EEF2K: variants seen among roughly 807,000 people sequenced by gnomAD.
The protein encoded by EEF2K is alternative protein EEF2K.
A neutral mutation model predicts 93.8 loss-of-function variants in EEF2K; 70 were observed. The observed-to-expected ratio is 0.75, with a 90% CI of 0.62 to 0.91. EEF2K has a LOEUF of 0.91. EEF2K is among the 40% of genes least tolerant of loss of function. The pLI, the probability that EEF2K is intolerant of heterozygous loss-of-function variation, is 0.00. For synonymous variants in EEF2K, 376 were observed against 380.8 expected (o/e 0.99, Z 0.15); for missense variants, 935 against 972.9 (o/e 0.96, Z 0.52).
intron 10 of EEF2K, among the ~76,000 whole-genome samples, chr16:22,260,194 G>A (rs925502590): frequency 8.5e-5 from 13 of 152,330 alleles, no homozygotes; most frequent in Non-Finnish European, 1.5e-4. Context: ...AAGGATAATT[G>A]CATTGTGACA....
chr16:22,240,096 CA>C (rs988813359), intron 2 of EEF2K, among the ~76,000 whole-genome samples: 2 of 128,996 alleles, frequency 1.6e-5, no homozygotes, highest in Non-Finnish European at 3.2e-5. Flanking sequence ...AGCCAGACTC[CA>C]TCTCAAAAAA....
intron 2 of EEF2K, among the ~76,000 whole-genome samples, chr16:22,227,720 G>A (rs1016007792): frequency 2.6e-5 from 4 of 151,972 alleles, no homozygotes; most frequent in Admixed American, 6.6e-5. Flanking sequence ...ACATTCAAGC[G>A]GAGAAACAAA....
At chr16:22,232,672 C>G (rs1036319098) in intron 2 of EEF2K, among the ~76,000 whole-genome samples, 12 of 152,164 alleles carry the variant, frequency 7.9e-5, no homozygotes, top group Non-Finnish European at 1.5e-5. Flanking sequence ...AGGGTTGTGT[C>G]TGATGCGACC....
rs374251010 is a variant in EEF2K, at chr16:22,266,373, C to T, written c.1441-17C>T. 9.3e-6 allele frequency: 15 copies of T among 1,607,094 alleles called. No individual in the cohort carries two copies. Among genetic ancestry groups the T allele is most frequent in the African/African-American group, 6.8e-5 (5 of 73,120 alleles). The stretch of plus-strand genomic sequence containing the variant: ...ACCCCCAGCCCCTCGCTTCCCTGGC[C>T]GGTTCTTTCCCTTCAGGTATGTGTA... On this transcript the variant is annotated splice_polypyrimidine_tract_variant and intron_variant, in intron 13 of 17. Transcript: ENST00000263026.
chr16:22,248,129 A>G (rs925402246), intron 3 of EEF2K, among the ~76,000 whole-genome samples: 1 of 151,910 alleles, frequency 6.6e-6, no homozygotes, highest in African/African-American at 2.4e-5. Flanking sequence ...CAATGGTGCA[A>G]TCTCGGCTCA....
intron 2 of EEF2K, among the ~76,000 whole-genome samples, chr16:22,230,068 T>C (rs2047100475): frequency 6.6e-6 from 1 of 152,152 alleles, no homozygotes; most frequent in African/African-American, 2.4e-5. Context: ...TTTCCACTGA[T>C]CCTGTTTCCT....
Position 22,264,833 on chromosome 16 carries a change from A to T in EEF2K, c.1393A>T (p.Asn465Tyr). The T allele has an allele frequency of 1.9e-6, 3 of 1,613,950 alleles. No homozygotes were observed. The highest frequency in any genetic ancestry group is 2.5e-6 in the Non-Finnish European group (3 of 1,179,908). Residue 465 changes from asparagine (N) to tyrosine (Y), a missense_variant, in exon 13 of 18, where the codon AAT (asparagine) becomes TAT (tyrosine). Coordinates refer to ENST00000263026, the MANE Select transcript of EEF2K (RefSeq NM_013302.5). ...EPREHGHSYS[N>Y]RKYESDEDSL... ...CTCCGTTCAGGGCCACTCATACAGT[A>T]ATCGGAAGTACGAGTCTGACGAAGA... is the stretch of plus-strand genomic sequence containing the variant.
chr16:22,210,836 G>A (rs541208578), intron 1 of EEF2K, among the ~76,000 whole-genome samples: 2 of 152,222 alleles, frequency 1.3e-5, no homozygotes, highest in East Asian at 1.9e-4. Flanking sequence ...TTCAGAGCCC[G>A]AGGAGGAAGG....
Position 22,258,578 on chromosome 16 carries a change from C to T in EEF2K, c.1114C>T (p.Leu372=), listed in dbSNP as rs2047430943. Reference sequence around the variant, plus strand: ...GACCCTCTCTGGGAGCCGGCCACCCCTGCTCCGTCCCCTTTCAGAGAACTC... The same window carrying T: ...GACCCTCTCTGGGAGCCGGCCACCCTTGCTCCGTCCCCTTTCAGAGAACTC... ...VRTLSGSRPP[L]LRPLSENSGD... The change falls in exon 10 of 18, where the codon CTG becomes TTG. Residue 372 remains leucine, a synonymous_variant. Transcript: ENST00000263026. 1 of 1,614,146 alleles carries T rather than the reference C, an allele frequency of 6.2e-7. No homozygotes were observed. The highest frequency in any genetic ancestry group is 1.7e-5 in the Admixed American group (1 of 60,014).
chr16:22,261,841 C>T (rs1481497272), intron 11 of EEF2K, among the ~76,000 whole-genome samples: 1 of 151,464 alleles, frequency 6.6e-6, no homozygotes, highest in Non-Finnish European at 1.5e-5. Context: ...CTCATCCCTA[C>T]AAAAAATATA....
intron 13 of EEF2K, among the ~76,000 whole-genome samples, chr16:22,265,582 G>A (rs2047508915): frequency 6.6e-6 from 1 of 152,214 alleles, no homozygotes; most frequent in African/African-American, 2.4e-5. Flanking sequence ...GTATTTTGTA[G>A]CCAGATTAGG....
At chr16:22,264,753 C>T (rs546832023) in intron 12 of EEF2K, 65 bp from the exon 13 acceptor site, 25 of 1,595,848 alleles carry the variant, frequency 1.6e-5, no homozygotes, top group Non-Finnish European at 8.6e-7. Context: ...TGGACCAGCT[C>T]TCAGGAGAGG....
At chr16:22,280,767 C>A (rs1358679943) in intron 17 of EEF2K, among the ~76,000 whole-genome samples, 2 of 151,502 alleles carry the variant, frequency 1.3e-5, no homozygotes, top group African/African-American at 4.9e-5. Flanking sequence ...CGAGTTCCAG[C>A]GATTCTCCTG....
At chr16:22,221,805 C>A (rs1025776686) in intron 1 of EEF2K, among the ~76,000 whole-genome samples, 1 of 152,164 alleles carries the variant, frequency 6.6e-6, no homozygotes, top group Non-Finnish European at 1.5e-5. Context: ...CTCAGTGGCT[C>A]ATATCTGTAA....
At chr16:22,207,179 C>G (rs1466815134) in intron 1 of EEF2K, among the ~76,000 whole-genome samples, 1 of 152,330 alleles carries the variant, frequency 6.6e-6, no homozygotes, top group East Asian at 1.9e-4. Flanking sequence ...GACATGTGTG[C>G]CAAGGGGCTG....
At chr16:22,208,084 C>T (rs915924673) in intron 1 of EEF2K, among the ~76,000 whole-genome samples, 2 of 152,212 alleles carry the variant, frequency 1.3e-5, no homozygotes, top group African/African-American at 2.4e-5. Context: ...CTGGGATTGG[C>T]GTCCGCCCTC....
chr16:22,244,637 G>A lies in EEF2K; in HGVS notation c.254G>A (p.Trp85Ter). 1 of 1,613,950 alleles carries A rather than the reference G, an allele frequency of 6.2e-7. No homozygotes were observed. Among genetic ancestry groups the A allele is most frequent in the South Asian group, 1.1e-5 (1 of 91,080 alleles). ...PANSFHFKEA[W>*]KHAIQKAKHM... is the part of the protein sequence containing the mutation. ...CTCCTTTGCCTTCCACAGGAAGCCT[G>A]GAAGCACGCAATCCAGAAGGCCAAG... The change falls in exon 3 of 18, where the codon TGG becomes TAG. Residue 85 changes from tryptophan (W) to a stop codon, truncating the protein, a stop_gained. Coordinates refer to ENST00000263026, the MANE Select transcript of EEF2K (RefSeq NM_013302.5). LOFTEE classifies it high-confidence loss of function.
chr16:22,257,227 C>G (rs1362812453), intron 7 of EEF2K, 26 bp from the exon 8 acceptor site: 1 of 1,614,064 alleles, frequency 6.2e-7, no homozygotes, highest in East Asian at 2.2e-5. Flanking sequence ...CTCTTGACAT[C>G]TCGTTTTCCT....
Position 22,283,984 on chromosome 16 carries a change from G to C in EEF2K, c.2166G>C (p.Gln722His). The change falls in exon 18 of 18, where the codon CAG (glutamine) becomes CAC (histidine). Residue 722 changes from glutamine (Q) to histidine (H), a missense_variant. By Grantham distance (24) the Gln-to-His change is conservative. Coordinates refer to ENST00000263026, the MANE Select transcript of EEF2K (RefSeq NM_013302.5). ...AAAAGGCTGAAGAGGCCTGGGCCCA[G>C]ATGGAGGAGTAACCAGGAAAATCAC... is the stretch of plus-strand genomic sequence containing the variant. ...YYQKAEEAWA[Q>H]MEE The C allele has an allele frequency of 5.7e-6, 9 of 1,578,110 alleles. No individual in the cohort carries two copies. The highest frequency in any genetic ancestry group is 7.7e-6 in the Non-Finnish European group (9 of 1,161,522).
Sources: allele counts gnomAD v4.1 joint callset (sites outside exome capture counted in the v4.1 genomes callset), GRCh38; gene constraint gnomAD v4.1.1; transcripts MANE v1.5; gene names NCBI Gene and HGNC (gene_info 2026-07-23, HGNC 2026-07-21).